FANCA: variants seen among roughly 807,000 people sequenced by gnomAD.
FANCA encodes FA complementation group A.
In FANCA, 236 loss-of-function variants were observed where a neutral mutation model predicts 194.3. The observed-to-expected ratio is 1.21, with a 90% CI of 1.09 to 1.35. The LOEUF is 1.35. FANCA is among the 40% of genes most tolerant of loss of function. FANCA has a pLI of 0.00. For synonymous variants in FANCA, 1,014 were observed against 715.8 expected (o/e 1.42, Z -6.65); for missense variants, 2,628 against 1,813.9 (o/e 1.45, Z -8.15).
chr16:89,801,659 G>A (rs1348922675), intron 8 of FANCA, among the ~76,000 whole-genome samples: 1 of 152,118 alleles, frequency 6.6e-6, no homozygotes, highest in Non-Finnish European at 1.5e-5. Flanking sequence ...GGAGGCCAAG[G>A]CAGGCAGATC....
chr16:89,799,259 CA>C, intron 9 of FANCA, 27 bp from the exon 10 acceptor site: 7 of 1,613,436 alleles, frequency 4.3e-6, no homozygotes, highest in Non-Finnish European at 5.9e-6. Context: ...GAACAGAAAA[CA>C]GATGTCAGCA....
chr16:89,815,850 C>T lies in FANCA; in HGVS notation c.189+27G>A, dbSNP rs1301346042. ...CAAAAACCCCGAACCTAAATCTGCC[C>T]GCAGACGGACACCAGCTTCCTCTTA... On this transcript the variant is annotated intron_variant, in intron 2 of 42. Coordinates refer to ENST00000389301, the MANE Select transcript of FANCA (RefSeq NM_000135.4). 4 of 1,555,394 alleles carry T rather than the reference C, an allele frequency of 2.6e-6. No individual in the cohort carries two copies. The Admixed American group carries it at 5.0e-5, about 19-fold the overall frequency.
intron 11 of FANCA, 77 bp from the exon 12 acceptor site, chr16:89,792,624 CAGGGT>C: frequency 7.6e-7 from 1 of 1,308,330 alleles, no homozygotes; most frequent in Non-Finnish European, 1.1e-6. Flanking sequence ...ACCAGCCCCA[CAGGGT>C]CGGTGGGTCT....
At chr16:89,747,853 G>A (rs1598073205) in intron 33 of FANCA, among the ~76,000 whole-genome samples, 1 of 152,132 alleles carries the variant, frequency 6.6e-6, no homozygotes, top group South Asian at 2.1e-4. Flanking sequence ...GGAGGGGCTG[G>A]TATCCGTCTC....
At chr16:89,807,798 G>A (rs1028004949) in intron 6 of FANCA, among the ~76,000 whole-genome samples, 82 of 152,246 alleles carry the variant, frequency 5.4e-4, no homozygotes, top group African/African-American at 1.8e-3. Flanking sequence ...CAGGAGAATG[G>A]CGTGAACCCG....
At chr16:89,743,827 C>CAAAACAAAACAA in intron 36 of FANCA, among the ~76,000 whole-genome samples, 1 of 152,100 alleles carries the variant, frequency 6.6e-6, no homozygotes, top group African/African-American at 2.4e-5. Context: ...CTGTCTCAAA[C>CAAAACAAAACAA]AAAACAAAAC....
At chr16:89,759,319 A>T (rs11864189) in intron 29 of FANCA, among the ~76,000 whole-genome samples, 5,502 of 13,860 alleles carry the variant, frequency 0.4, 1,323 homozygotes, top group East Asian at 0.75. Flanking sequence ...GACTCCGTCT[A>T]AAAAAAAAAA....
Position 89,810,943 on chromosome 16 carries a change from T to A in FANCA, c.412A>T (p.Thr138Ser), listed in dbSNP as rs1401681652. The change falls in exon 4 of 43, where the codon ACT becomes TCT. Residue 138 changes from threonine to serine, a missense_variant. Transcript: ENST00000389301. ...PAETSHPVLL[T>S]VEQRKKLSSL... is the part of the protein sequence containing the mutation. ...TGGTGTCTTACTCTCTGCTCCACAGTCAGCAGCACAGGGTGACTGGTCTCC... is the reference window on the plus strand; with the variant it reads ...TGGTGTCTTACTCTCTGCTCCACAGACAGCAGCACAGGGTGACTGGTCTCC... 2 of 1,614,028 alleles carry A rather than the reference T, an allele frequency of 1.2e-6. No homozygotes were observed. Among genetic ancestry groups the A allele is most frequent in the Non-Finnish European group, 1.7e-6 (2 of 1,180,058 alleles).
At chr16:89,792,585 G>C (rs755004511) in intron 11 of FANCA, 38 bp from the exon 12 acceptor site, 39 of 1,585,090 alleles carry the variant, frequency 2.5e-5, no homozygotes, top group Non-Finnish European at 3.2e-5. Flanking sequence ...TCAAGTCAGA[G>C]ATCAAAAAGT....
intron 5 of FANCA, 30 bp from the exon 6 acceptor site, chr16:89,808,397 A>G (rs2040745863): frequency 6.2e-7 from 1 of 1,606,314 alleles, no homozygotes; most frequent in Non-Finnish European, 8.5e-7. Context: ...AAACAAAAAC[A>G]AAAACAAAAA....
At chr16:89,744,639 A>G (rs997908266) in intron 36 of FANCA, 1 of 384,480 alleles carries the variant, frequency 2.6e-6, no homozygotes. Flanking sequence ...GCCGTTCCTC[A>G]CTCAGACGAG....
At chr16:89,739,830 T>C (rs1180629916) in intron 39 of FANCA, 164 bp downstream of exon 39, 5 of 1,481,800 alleles carry the variant, frequency 3.4e-6, no homozygotes, top group Non-Finnish European at 4.5e-6. Context: ...CAGTAAATTA[T>C]CTTATTGCTT....
At chr16:89,778,161 CAAA>C (rs35361961) in intron 20 of FANCA, among the ~76,000 whole-genome samples, 1 of 47,990 alleles carries the variant, frequency 2.1e-5, no homozygotes, top group Non-Finnish European at 3.9e-5. Flanking sequence ...GACTTCATCT[CAAA>C]AAAAAAAAAA....
intron 27 of FANCA, among the ~76,000 whole-genome samples, chr16:89,766,066 G>T (rs1014842107): frequency 3.3e-5 from 5 of 151,114 alleles, no homozygotes; most frequent in African/African-American, 1.2e-4. Context: ...GTGCAGTCTC[G>T]GCTCACTGCA....
chr16:89,770,996 C>T (rs1244775597), intron 23 of FANCA, among the ~76,000 whole-genome samples: 3 of 152,018 alleles, frequency 2.0e-5, no homozygotes, highest in Non-Finnish European at 2.9e-5. Flanking sequence ...GAAACCCTGT[C>T]TTTACTAAAA....
chr16:89,794,093 T>C (rs577871830), intron 11 of FANCA, among the ~76,000 whole-genome samples: 2 of 151,806 alleles, frequency 1.3e-5, no homozygotes, highest in African/African-American at 2.4e-5. Flanking sequence ...CAGATCTTAA[T>C]ATGTACTTTT....
Position 89,737,762 on chromosome 16 carries a change from T to G in FANCA, c.*839A>C. On this transcript the variant is annotated 3_prime_UTR_variant, in exon 43 of 43. Transcript: ENST00000389301. ...TTGTCATCGTCGTCCCCCCGGGAGG[T>G]TGGAGCATCAGGGGCCTGGACTCAC... 6.2e-7 allele frequency: 1 copy of G among 1,610,268 alleles called. No individual in the cohort carries two copies. The highest frequency in any genetic ancestry group is 2.2e-5 in the East Asian group (1 of 44,758).
intron 21 of FANCA, among the ~76,000 whole-genome samples, chr16:89,773,617 C>T (rs2039398921): frequency 6.6e-6 from 1 of 151,792 alleles, no homozygotes; most frequent in Non-Finnish European, 1.5e-5. Flanking sequence ...CATTTATAAA[C>T]AAGTTTAAGA....
At position 89,770,587 on chromosome 16, in the gene FANCA, G is replaced by C. The variant is rs757095786; in HGVS notation, c.2199C>G (p.Ala733=). The change falls in exon 24 of 43, where the codon GCC becomes GCG. Residue 733 remains alanine (A), a synonymous_variant. Transcript: ENST00000389301. The part of the protein sequence containing the change: ...LTSFCQNLMA[A]SSVAPPERQG... The stretch of plus-strand genomic sequence containing the variant: ...ACCTCTCCGGGGGAGCGACACTGGA[G>C]GCAGCCATCAGGTTCTGACAGAAAG... 1.2e-6 allele frequency: 2 copies of C among 1,611,602 alleles called. No homozygotes were observed. The highest frequency in any genetic ancestry group is 1.7e-5 in the Admixed American group (1 of 59,732).
Sources: gnomAD v4.1 joint callset for allele counts (sites outside exome capture counted in the v4.1 genomes callset) on GRCh38, gnomAD v4.1.1 for gene constraint, MANE v1.5 for transcripts, NCBI Gene and HGNC (gene_info 2026-07-23, HGNC 2026-07-21) for gene names.